NSUN7: variants seen among roughly 807,000 people sequenced by gnomAD.
NSUN7 encodes protein NSUN7.
A neutral mutation model predicts 58.5 loss-of-function variants in NSUN7; 39 were observed. The observed-to-expected ratio is 0.67, with a 90% CI of 0.52 to 0.87. NSUN7 has a LOEUF of 0.87. NSUN7 is among the 40% of genes least tolerant of loss of function. The probability of loss-of-function intolerance (pLI) is 0.00; values close to 1 mark genes in which losing one functional copy is unlikely to be tolerated. For synonymous variants in NSUN7, 278 were observed against 303.7 expected, an observed-to-expected ratio of 0.92 and a Z score of 0.88; for missense variants, 765 against 844.1, an observed-to-expected ratio of 0.91 and a Z score of 1.16.
intron 7 of NSUN7, among the ~76,000 whole-genome samples, chr4:40,785,296 C>G (rs1015576411): frequency 7.3e-5 from 11 of 151,680 alleles, no homozygotes; most frequent in Admixed American, 2.0e-4. Context: ...GTTTTTCAGC[C>G]ACAGTGGAAT....
rs189599622 is a variant in NSUN7, at chr4:40,802,269, C to T, written c.1400+3365C>T. Among the ~76,000 whole-genome samples the T allele has an allele frequency of 4.2e-3, 641 of 152,160 alleles. 5 individuals carry two copies. Among genetic ancestry groups the T allele is most frequent in the Non-Finnish European group, 7.4e-3 (504 of 68,008 alleles). ...GTAATTCTATTCCATTGACGTTTGG[C>T]TCTTTCTATACTAATATGACAATGC... On this transcript the variant is annotated intron_variant, in intron 10 of 11. Coordinates refer to ENST00000381782, the MANE Select transcript of NSUN7 (RefSeq NM_024677.6).
chr4:40,754,945 A>G (rs1741066040), intron 2 of NSUN7, among the ~76,000 whole-genome samples: 1 of 152,196 alleles, frequency 6.6e-6, no homozygotes, highest in Admixed American at 6.5e-5. Context: ...GCTCCGTAAA[A>G]TGTTTTTTGA....
At chr4:40,760,352 C>T in intron 2 of NSUN7, 82 bp from the exon 3 acceptor site, 1 of 953,008 alleles carries the variant, frequency 1.0e-6, no homozygotes, top group Non-Finnish European at 1.7e-6. Flanking sequence ...TATTTTATGG[C>T]ATTATTACAG....
At chr4:40,779,715 T>G (rs1445890004) in intron 7 of NSUN7, among the ~76,000 whole-genome samples, 1 of 152,214 alleles carries the variant, frequency 6.6e-6, no homozygotes, top group Non-Finnish European at 1.5e-5. Context: ...TTAATGGGGT[T>G]GCAAATTAAT....
chr4:40,772,879 A>G (rs1267423467), intron 4 of NSUN7, among the ~76,000 whole-genome samples: 1 of 152,158 alleles, frequency 6.6e-6, no homozygotes, highest in African/African-American at 2.4e-5. Flanking sequence ...TCAAGGTTAT[A>G]CTTGAGGTTG....
At chr4:40,760,553 TA>T (rs1213896610) in intron 3 of NSUN7, 61 bp downstream of exon 3, 32 of 1,354,136 alleles carry the variant, frequency 2.4e-5, no homozygotes, top group Non-Finnish European at 2.9e-5. Flanking sequence ...AGAAAGTGTT[TA>T]AAAGCCTTTA....
chr4:40,794,419 G>A lies in NSUN7; in HGVS notation c.1225G>A (p.Asp409Asn). Residue 409 changes from aspartate to asparagine, a missense_variant, in exon 9 of 12, where the codon GAC (aspartate) becomes AAC (asparagine). Physicochemically the swap from Asp to Asn is conservative, Grantham distance 23. Coordinates refer to ENST00000381782, the MANE Select transcript of NSUN7 (RefSeq NM_024677.6). ...KDHSQGGISV[D>N]KLHVLAQQQY... Reference sequence around the variant, plus strand: ...TCACTCTCAAGGAGGCATCTCAGTGGACAAACTTCACGTTCTTGCTCAACA... The same window carrying A: ...TCACTCTCAAGGAGGCATCTCAGTGAACAAACTTCACGTTCTTGCTCAACA... 6.2e-7 allele frequency: 1 copy of A among 1,612,822 alleles called. No homozygotes were observed. The highest frequency in any genetic ancestry group is 8.5e-7 in the Non-Finnish European group (1 of 1,179,218).
rs148364532 is a variant in NSUN7, at chr4:40,790,575, A to G, written c.1037-27A>G. The G allele has an allele frequency of 6.7e-5, 93 of 1,383,514 alleles. No homozygotes were observed. The African/African-American group carries it at 1.1e-3, about 16-fold the overall frequency. 85.7% of individuals were successfully genotyped at this position (1,383,514 alleles called of 1,614,324 possible). A position where few individuals can be genotyped will look rare whatever the true frequency, so the allele number is the denominator to read the frequency against. On this transcript the variant is annotated intron_variant, in intron 7 of 11. Transcript: ENST00000381782. ...TTAAGATTTTTCATTAATATTTTAC[A>G]TTAAATTTTCTGTGTTTTTTCCCCA...
Position 40,800,080 on chromosome 4 carries a change from T to C in NSUN7, c.1400+1176T>C, listed in dbSNP as rs567273376. ...TGCATATTTTAAGATTTAATCGATA[T>C]TGTCAAATTACTACCAAGACATTCA... On this transcript the variant is annotated intron_variant, in intron 10 of 11. Coordinates refer to ENST00000381782, the MANE Select transcript of NSUN7 (RefSeq NM_024677.6). Among the ~76,000 whole-genome samples, 412 of 152,370 alleles carry C rather than the reference T, an allele frequency of 2.7e-3. 2 individuals carry two copies. Among genetic ancestry groups the C allele is most frequent in the African/African-American group, 9.4e-3 (390 of 41,590 alleles).
chr4:40,797,454 C>T (rs1340616022), intron 9 of NSUN7, among the ~76,000 whole-genome samples: 1 of 152,168 alleles, frequency 6.6e-6, no homozygotes, highest in Non-Finnish European at 1.5e-5. Flanking sequence ...CTTCCTCCCG[C>T]CATACTTGTT....
chr4:40,774,692 GA>G, intron 5 of NSUN7, 74 bp from the exon 6 acceptor site: 11 of 933,790 alleles, frequency 1.2e-5, no homozygotes, highest in South Asian at 1.8e-5. Flanking sequence ...TTTGTTACAG[GA>G]AAAAGGTGTT....
Position 40,792,608 on chromosome 4 carries a change from G to A in NSUN7, c.1181-1767G>A, listed in dbSNP as rs189030214. On this transcript the variant is annotated intron_variant, in intron 8 of 11. Coordinates refer to ENST00000381782, the MANE Select transcript of NSUN7 (RefSeq NM_024677.6). ...CTACTAAAAATACAAAAAATTAGCC[G>A]GGCGAGGTGGCGGGCGCCTGTAGTC... is the stretch of plus-strand genomic sequence containing the variant. 4.2e-3 allele frequency among the ~76,000 whole-genome samples: 646 copies of A among 152,220 alleles called. 4 individuals carry two copies. Among genetic ancestry groups the A allele is most frequent in the African/African-American group, 0.015 (606 of 41,518 alleles).
intron 2 of NSUN7, among the ~76,000 whole-genome samples, chr4:40,756,529 G>C (rs955684923): frequency 2.0e-5 from 3 of 152,134 alleles, no homozygotes. Flanking sequence ...GGTGTATTTG[G>C]TTACTCTGGT....
At chr4:40,790,154 A>G (rs1198265882) in intron 7 of NSUN7, among the ~76,000 whole-genome samples, 1 of 148,678 alleles carries the variant, frequency 6.7e-6, no homozygotes, top group Non-Finnish European at 1.5e-5. Flanking sequence ...AGCCCTTGCT[A>G]TATAATAGAC....
rs552974911 is a variant in NSUN7, at chr4:40,750,614, C to T, written c.-80C>T. 4.0e-6 allele frequency: 6 copies of T among 1,493,382 alleles called. No homozygotes were observed. The South Asian group carries it at 7.4e-5, about 19-fold the overall frequency. 92.5% of individuals were successfully genotyped at this position (1,493,382 alleles called of 1,614,324 possible). A position where few individuals can be genotyped will look rare whatever the true frequency, so the allele number is the denominator to read the frequency against. ...TTCTCTCTTCACAGAGACCATGCTG[C>T]AGATGCGAGGAAAGCCGTTTCCTGG... On this transcript the variant is annotated 5_prime_UTR_variant, in exon 2 of 12. The change creates a premature stop within an existing upstream ORF in the 5' untranslated region. Coordinates refer to ENST00000381782, the MANE Select transcript of NSUN7 (RefSeq NM_024677.6).
At chr4:40,805,229 T>C (rs1243093907) in intron 10 of NSUN7, among the ~76,000 whole-genome samples, 1 of 152,212 alleles carries the variant, frequency 6.6e-6, no homozygotes, top group East Asian at 1.9e-4. Flanking sequence ...ATATCTGGCA[T>C]GGCACAGCCA....
intron 7 of NSUN7, among the ~76,000 whole-genome samples, chr4:40,785,336 A>G (rs1211753855): frequency 1.3e-5 from 2 of 152,092 alleles, no homozygotes; most frequent in African/African-American, 2.4e-5. Flanking sequence ...AAAAAGAAAA[A>G]GAAAAGTAGG....
chr4:40,806,319 T>C (rs569355292), intron 10 of NSUN7, among the ~76,000 whole-genome samples: 227 of 152,320 alleles, frequency 1.5e-3, no homozygotes, highest in African/African-American at 5.3e-3. Context: ...AATAAAAGAT[T>C]TCCTGATAGT....
intron 2 of NSUN7, among the ~76,000 whole-genome samples, chr4:40,751,573 C>T (rs759364338): frequency 8.5e-5 from 13 of 152,224 alleles, no homozygotes; most frequent in East Asian, 1.9e-4. Context: ...AAATGAATAT[C>T]AAAATTACAC....
Sources: gnomAD v4.1 joint callset for allele counts (sites outside exome capture counted in the v4.1 genomes callset) on GRCh38, gnomAD v4.1.1 for gene constraint, MANE v1.5 for transcripts, NCBI Gene and HGNC (gene_info 2026-07-23, HGNC 2026-07-21) for gene names.